Variants in RAB3GAP2 observed in about 807,000 individuals in gnomAD.
The protein encoded by RAB3GAP2 is rab3 GTPase-activating protein non-catalytic subunit.
In RAB3GAP2, 87 loss-of-function variants were observed where a neutral mutation model predicts 185.3. The observed-to-expected ratio is 0.47, with a 90% CI of 0.39 to 0.56. RAB3GAP2 has a LOEUF of 0.56. Ranked by LOEUF, RAB3GAP2 falls within the 20% of genes least tolerant of loss-of-function variation. RAB3GAP2 has a pLI of 0.00. For synonymous variants in RAB3GAP2, 554 were observed against 576.1 expected (o/e 0.96, Z 0.55); for missense variants, 1,492 against 1,638.2 (o/e 0.91, Z 1.54).
At chr1:220,258,606 T>C (rs913312354) in intron 1 of RAB3GAP2, among the ~76,000 whole-genome samples, 2 of 152,242 alleles carry the variant, frequency 1.3e-5, no homozygotes, top group African/African-American at 4.8e-5. Flanking sequence ...AAGAGCCTTG[T>C]ATGACAAACC....
intron 1 of RAB3GAP2, chr1:220,254,231 T>C (rs1659992978): frequency 2.0e-5 from 33 of 1,613,560 alleles, no homozygotes; most frequent in Non-Finnish European, 2.7e-5. Context: ...GTGGCAGGGA[T>C]AAAAGAATAC....
Position 220,270,623 on chromosome 1 carries a change from C to T in RAB3GAP2, c.115+1600G>A, listed in dbSNP as rs149868927. 5.0e-3 allele frequency among the ~76,000 whole-genome samples: 757 copies of T among 152,312 alleles called. 3 individuals are homozygous for T. The highest frequency in any genetic ancestry group is 0.017 in the African/African-American group (714 of 41,558). ...CCTGCAGATTCTAACTCCTTAACGT[C>T]TTTCTAATCTAGTCCTTCATCTTCA... is the stretch of plus-strand genomic sequence containing the variant. On this transcript the variant is annotated intron_variant, in intron 1 of 34. Coordinates refer to ENST00000358951, the MANE Select transcript of RAB3GAP2 (RefSeq NM_012414.4).
At chr1:220,245,125 A>AC (rs1195452552) in intron 1 of RAB3GAP2, among the ~76,000 whole-genome samples, 1 of 93,520 alleles carries the variant, frequency 1.1e-5, no homozygotes, top group Non-Finnish European at 2.1e-5. Context: ...AATCAGCAAG[A>AC]AAAAAAAAAA....
At chr1:220,163,760 T>C (rs904645046) in intron 27 of RAB3GAP2, among the ~76,000 whole-genome samples, 1 of 145,814 alleles carries the variant, frequency 6.9e-6, no homozygotes, top group Admixed American at 6.9e-5. Context: ...TATATATATA[T>C]ATATATATAT....
intron 29 of RAB3GAP2, 50 bp from the exon 30 acceptor site, chr1:220,157,926 G>C: frequency 7.2e-7 from 1 of 1,397,602 alleles, no homozygotes; most frequent in Non-Finnish European, 1.0e-6. Context: ...AACTGCTATA[G>C]TTACTGTCAG....
chr1:220,182,787 C>T lies in RAB3GAP2; in HGVS notation c.2143G>A (p.Glu715Lys), dbSNP rs1483927565. Residue 715 changes from glutamate (E) to lysine (K), a missense_variant, in exon 20 of 35, where the codon GAA becomes AAA. By Grantham distance (56) the Glu-to-Lys change is moderately conservative (BLOSUM62 1). Around this residue, in one of 5 missense-constraint regions of RAB3GAP2, gnomAD observed 681 missense variants for 689.1 expected, o/e 0.99. Coordinates refer to ENST00000358951, the MANE Select transcript of RAB3GAP2 (RefSeq NM_012414.4). ...ACATCCTTTTCATATTCTAAATATT[C>T]CAAGAATGTTTTTACAGGCAACACA... ...DGVLPVKTFL[E>K]YLEYEKDVLN... 4 of 1,612,956 alleles carry T rather than the reference C, an allele frequency of 2.5e-6. No individual in the cohort carries two copies. The East Asian group carries it at 8.9e-5, about 36-fold the overall frequency.
chr1:220,223,124 T>A (rs1659338182), intron 2 of RAB3GAP2, among the ~76,000 whole-genome samples: 1 of 152,178 alleles, frequency 6.6e-6, no homozygotes, highest in South Asian at 2.1e-4. Context: ...CACAGCTCAC[T>A]GCAGCCTCTA....
chr1:220,167,859 A>G (rs982785492), intron 24 of RAB3GAP2, among the ~76,000 whole-genome samples, 184 bp from the exon 25 acceptor site: 1 of 152,198 alleles, frequency 6.6e-6, no homozygotes, highest in Admixed American at 6.5e-5. Flanking sequence ...TGTGAGGGCA[A>G]CAAGTGGGAT....
intron 2 of RAB3GAP2, among the ~76,000 whole-genome samples, chr1:220,214,485 C>G (rs1264558124): frequency 2.0e-5 from 3 of 151,488 alleles, no homozygotes; most frequent in Non-Finnish European, 4.4e-5. Flanking sequence ...GAGATCGCAC[C>G]ACTACAATCC....
At chr1:220,176,398 G>A (rs770833304) in intron 21 of RAB3GAP2, among the ~76,000 whole-genome samples, 1 of 152,188 alleles carries the variant, frequency 6.6e-6, no homozygotes, top group Non-Finnish European at 1.5e-5. Context: ...ACAATAAGGT[G>A]GTTGATCTGT....
chr1:220,242,148 A>G (rs1201892107), intron 1 of RAB3GAP2, among the ~76,000 whole-genome samples: 1 of 152,144 alleles, frequency 6.6e-6, no homozygotes, highest in Non-Finnish European at 1.5e-5. Flanking sequence ...AAAGTCTGAT[A>G]ATAATTTTAA....
chr1:220,212,804 C>G, intron 4 of RAB3GAP2, 83 bp downstream of exon 4: 1 of 1,201,050 alleles, frequency 8.3e-7, no homozygotes, highest in Non-Finnish European at 1.2e-6. Flanking sequence ...AATAATGAAA[C>G]TTTTTAATAG....
rs779911584 is a variant in RAB3GAP2 at position 220,195,302 on chromosome 1, C to A, written c.1036G>T (p.Ala346Ser). The change falls in exon 11 of 35, where the codon GCC becomes TCC. Residue 346 changes from alanine (A) to serine (S), a missense_variant. By Grantham distance (99) the Ala-to-Ser change is moderately conservative. Transcript: ENST00000358951. ...SKLTSALFNA[A>S]SGWLGWKSKH... Reference sequence around the variant, plus strand: ...TTTTAATTGTTAAGTAATTACCTGGCAGCATTAAATAAAGCAGAAGTGAGT... The same window carrying A: ...TTTTAATTGTTAAGTAATTACCTGGAAGCATTAAATAAAGCAGAAGTGAGT... The A allele has an allele frequency of 2.5e-6, 4 of 1,607,712 alleles. No homozygotes were observed.
At chr1:220,171,844 C>A (rs781483363) in intron 23 of RAB3GAP2, 45 bp downstream of exon 23, 8 of 1,612,756 alleles carry the variant, frequency 5.0e-6, no homozygotes, top group African/African-American at 1.3e-5. Context: ...ATCCCCTTAG[C>A]CTACTGGATG....
chr1:220,170,655 CTT>C (rs973080132), intron 24 of RAB3GAP2, among the ~76,000 whole-genome samples: 1 of 152,206 alleles, frequency 6.6e-6, no homozygotes, highest in Non-Finnish European at 1.5e-5. Context: ...TCTGACCACT[CTT>C]TGAGAATCAC....
intron 1 of RAB3GAP2, chr1:220,267,330 C>G (rs1055826791): frequency 1.9e-6 from 2 of 1,049,460 alleles, no homozygotes; most frequent in Admixed American, 3.4e-5. Flanking sequence ...AATAACCATA[C>G]AGTCTGATTA....
At chr1:220,199,168 G>GA (rs1385473865) in intron 9 of RAB3GAP2, among the ~76,000 whole-genome samples, 3 of 150,296 alleles carry the variant, frequency 2.0e-5, no homozygotes, top group South Asian at 2.1e-4. Flanking sequence ...AGATGATGTA[G>GA]AAAAAAAAAG....
At chr1:220,174,972 A>G (rs990018471) in intron 21 of RAB3GAP2, among the ~76,000 whole-genome samples, 12 of 152,184 alleles carry the variant, frequency 7.9e-5, no homozygotes, top group African/African-American at 2.2e-4. Flanking sequence ...GCTTTTCACC[A>G]CTAGGTAGGC....
intron 1 of RAB3GAP2, among the ~76,000 whole-genome samples, chr1:220,262,755 G>C (rs1444099638): frequency 1.3e-5 from 2 of 152,160 alleles, no homozygotes; most frequent in Admixed American, 1.3e-4. Flanking sequence ...TGGCTACTGT[G>C]AACTGTCTAT....
Sources: allele counts gnomAD v4.1 joint callset (sites outside exome capture counted in the v4.1 genomes callset), GRCh38; gene constraint gnomAD v4.1.1; regional missense constraint gnomAD v4.1.1; transcripts MANE v1.5; gene names NCBI Gene and HGNC (gene_info 2026-07-23, HGNC 2026-07-21).